PRKCG: variants seen among roughly 807,000 people sequenced by gnomAD.
PRKCG encodes the protein protein kinase C gamma.
A neutral mutation model predicts 82.0 loss-of-function variants in PRKCG; 28 were observed. The observed-to-expected ratio is 0.34, with a 90% CI of 0.25 to 0.47. PRKCG has a LOEUF of 0.47. Among genes scored for constraint, PRKCG ranks in the 20% least tolerant of loss-of-function variants. The pLI, the probability that PRKCG is intolerant of heterozygous loss-of-function variation, is 1.00. For synonymous variants in PRKCG, 383 were observed against 376.6 expected (o/e 1.02, Z -0.20); for missense variants, 640 against 952.7 (o/e 0.67, Z 4.32).
At chr19:53,881,171 A>G (rs917341799), upstream of PRKCG, among the ~76,000 whole-genome samples, 3 of 152,000 alleles carry the variant, frequency 2.0e-5, no homozygotes, top group African/African-American at 7.3e-5. Flanking sequence ...GAGAGGGACA[A>G]GTACAGAGAA....
At chr19:53,882,160 G>A, upstream of PRKCG, 1 of 355,354 alleles carries the variant, frequency 2.8e-6, no homozygotes, top group Non-Finnish European at 5.2e-6. The surrounding 1 kb of genome is among the most constrained non-coding windows in gnomAD (Gnocchi z 6.1). Context: ...CGCCCTCTCG[G>A]TCGTCCTGGC....
In PRKCG at chr19:53,904,618, C is replaced by A; in HGVS notation, c.1657-17C>A. The stretch of plus-strand genomic sequence containing the variant: ...GTTGGGCATGTCCCTGACTCTCTAT[C>A]CCCTCCACTTTGATAGCCTCCCTTC... On this transcript the variant is annotated splice_polypyrimidine_tract_variant and intron_variant, in intron 15 of 17. Coordinates refer to ENST00000263431, the MANE Select transcript of PRKCG (RefSeq NM_002739.5). The A allele has an allele frequency of 6.2e-7, 1 of 1,607,022 alleles. No individual in the cohort carries two copies. Among genetic ancestry groups the A allele is most frequent in the Non-Finnish European group, 8.5e-7 (1 of 1,176,002 alleles).
chr19:53,906,084 C>CTTCTTCTTCTTCTTCTTCTTCTTCTTCTT (rs1555808689), intron 16 of PRKCG, among the ~76,000 whole-genome samples: 2 of 27,988 alleles, frequency 7.1e-5, no homozygotes, highest in African/African-American at 7.3e-4. Context: ...TCCTCCTCCT[C>CTTCTTCTTCTTCTTCTTCTTCTTCTTCTT]CTTCTTCTTC....
Position 53,898,628 on chromosome 19 carries a change from G to A in PRKCG, c.1281G>A (p.Pro427=), listed in dbSNP as rs1324241723. The A allele has an allele frequency of 5.7e-6, 9 of 1,572,606 alleles. No individual in the cohort carries two copies. The highest frequency in any genetic ancestry group is 1.9e-5 in the Admixed American group (1 of 53,462). Residue 427 remains proline, a splice_region_variant and synonymous_variant, in exon 11 of 18, where the codon CCG becomes CCA. Transcript: ENST00000263431. ...LTQLHSTFQT[P]DRLYFVMEYV... is the part of the protein sequence containing the mutation. ...AGCTCCACTCCACCTTCCAGACCCC[G>A]GTAAGGATGGAGGGGGCGGAGGCTG...
chr19:53,901,234 G>C (rs942465245), intron 14 of PRKCG, among the ~76,000 whole-genome samples: 1 of 152,182 alleles, frequency 6.6e-6, no homozygotes, highest in African/African-American at 2.4e-5. Context: ...CTGGACTTCT[G>C]TGCTGCATTT....
Position 53,906,905 on chromosome 19 carries a change from C to T in PRKCG, c.*10C>T. ...TGTGCCCGTCATGTAATCTCACCCGCCGCCACTAGGTGTCCCCAACGTCCC... is the reference window on the plus strand; with the variant it reads ...TGTGCCCGTCATGTAATCTCACCCGTCGCCACTAGGTGTCCCCAACGTCCC... On this transcript the variant is annotated 3_prime_UTR_variant, in exon 18 of 18. Coordinates refer to ENST00000263431, the MANE Select transcript of PRKCG (RefSeq NM_002739.5). 2 of 1,613,422 alleles carry T rather than the reference C, an allele frequency of 1.2e-6. No individual in the cohort carries two copies. Among genetic ancestry groups the T allele is most frequent in the Non-Finnish European group, 1.7e-6 (2 of 1,179,888 alleles).
At chr19:53,887,934 T>C (rs2068643982) in intron 3 of PRKCG, among the ~76,000 whole-genome samples, 1 of 152,028 alleles carries the variant, frequency 6.6e-6, no homozygotes, top group Non-Finnish European at 1.5e-5. Flanking sequence ...GCGGTAAATC[T>C]GAGGCTTTGA....
chr19:53,883,126 C>A lies in PRKCG; in HGVS notation c.171-37C>A, dbSNP rs1481974952. On this transcript the variant is annotated intron_variant, in intron 1 of 17. Coordinates refer to ENST00000263431, the MANE Select transcript of PRKCG (RefSeq NM_002739.5). This position sits in a 1 kb window ranked among gnomAD's most constrained non-coding sequence, Gnocchi z 5.4. Reference sequence around the variant, plus strand: ...CGCAGAGGTTGGGGGTCCAGGTACCCCTTTCTGCACTGACCTAGGATCCCT... The same window carrying A: ...CGCAGAGGTTGGGGGTCCAGGTACCACTTTCTGCACTGACCTAGGATCCCT... The A allele has an allele frequency of 4.3e-6, 7 of 1,613,570 alleles. No individual in the cohort carries two copies. The highest frequency in any genetic ancestry group is 1.6e-4 in the Middle Eastern group (1 of 6,082).
intron 3 of PRKCG, among the ~76,000 whole-genome samples, chr19:53,885,571 A>G (rs2068625557): frequency 6.6e-6 from 1 of 152,174 alleles, no homozygotes; most frequent in African/African-American, 2.4e-5. Context: ...GTTAGTGGCC[A>G]CCAAATGGGA....
In PRKCG at chr19:53,891,786, G is replaced by A. The variant is rs77550964; in HGVS notation, c.642G>A (p.Thr214=). The stretch of plus-strand genomic sequence containing the variant: ...ACCTGACGAAACAGAAGACCCGAAC[G>A]GTGAAAGCCACGCTAAACCCTGTGT... ...PRNLTKQKTR[T]VKATLNPVWN... The change falls in exon 6 of 18, where the codon ACG becomes ACA. Residue 214 remains threonine (T), a synonymous_variant. Coordinates refer to ENST00000263431, the MANE Select transcript of PRKCG (RefSeq NM_002739.5). The A allele has an allele frequency of 6.4e-4, 1,026 of 1,614,086 alleles. 2 individuals carry two copies. The highest frequency in any genetic ancestry group is 3.3e-4 in the Non-Finnish European group (388 of 1,180,016).
chr19:53,899,591 CT>C (rs11456997), intron 11 of PRKCG, among the ~76,000 whole-genome samples: 2,244 of 145,018 alleles, frequency 0.015, 54 homozygotes, highest in African/African-American at 0.049. Context: ...ACTTTGATTC[CT>C]TTTTTTTTTT....
rs762399754 is a variant in PRKCG at position 53,891,758 on chromosome 19, G to A, written c.614G>A (p.Arg205Gln). Residue 205 changes from arginine to glutamine, a missense_variant, in exon 6 of 18, where the codon CGG (arginine) becomes CAG (glutamine). By Grantham distance (43) the Arg-to-Gln change is conservative. Coordinates refer to ENST00000263431, the MANE Select transcript of PRKCG (RefSeq NM_002739.5). ...YVKLKLIPDP[R>Q]NLTKQKTRTV... ...AAACTGAAGCTCATCCCAGACCCTCGGAACCTGACGAAACAGAAGACCCGA... is the reference window on the plus strand; with the variant it reads ...AAACTGAAGCTCATCCCAGACCCTCAGAACCTGACGAAACAGAAGACCCGA... 7 of 1,614,032 alleles carry A rather than the reference G, an allele frequency of 4.3e-6. No individual in the cohort carries two copies. The highest frequency in any genetic ancestry group is 2.2e-5 in the East Asian group (1 of 44,874).
In PRKCG at chr19:53,883,234, G is replaced by A; in HGVS notation, c.202+40G>A. 1 of 1,612,712 alleles carries A rather than the reference G, an allele frequency of 6.2e-7. No individual in the cohort carries two copies. The highest frequency in any genetic ancestry group is 8.5e-7 in the Non-Finnish European group (1 of 1,179,144). ...CCGGGGCTCCTGGGACCCTCAGGAG[G>A]GTGGAGGCTGGGGCCCCACAGCTGA... On this transcript the variant is annotated intron_variant, in intron 2 of 17. Coordinates refer to ENST00000263431, the MANE Select transcript of PRKCG (RefSeq NM_002739.5). This position sits in a 1 kb window ranked among gnomAD's most constrained non-coding sequence, Gnocchi z 5.4.
Position 53,906,413 on chromosome 19 carries a change from C to A in PRKCG, c.1861C>A (p.Arg621=). ...CTTTTTCCGCTGGATTGACTGGGAGCGGCTGGAACGATTGGAGATCCCGCC... is the reference window on the plus strand; with the variant it reads ...CTTTTTCCGCTGGATTGACTGGGAGAGGCTGGAACGATTGGAGATCCCGCC... The part of the protein sequence containing the change: ...HGFFRWIDWE[R]LERLEIPPPF... The change falls in exon 17 of 18, where the codon CGG becomes AGG. Residue 621 remains arginine, a synonymous_variant. Transcript: ENST00000263431. 1 of 1,572,064 alleles carries A rather than the reference C, an allele frequency of 6.4e-7. No individual in the cohort carries two copies. Among genetic ancestry groups the A allele is most frequent in the Non-Finnish European group, 8.6e-7 (1 of 1,157,902 alleles).
Position 53,883,062 on chromosome 19 carries a change from T to C in PRKCG, c.171-101T>C. The stretch of plus-strand genomic sequence containing the variant: ...GGCCGGGGCTTGGACACCTGGGCCC[T>C]GCGGGAGGAGGGTCAGAGAGCGCAG... On this transcript the variant is annotated intron_variant, in intron 1 of 17. Coordinates refer to ENST00000263431, the MANE Select transcript of PRKCG (RefSeq NM_002739.5). The surrounding 1 kb of genome is among the most constrained non-coding windows in gnomAD (Gnocchi z 5.4). 1 of 1,490,562 alleles carries C rather than the reference T, an allele frequency of 6.7e-7. No individual in the cohort carries two copies. The highest frequency in any genetic ancestry group is 1.7e-5 in the Admixed American group (1 of 59,744). 92.3% of individuals were successfully genotyped at this position (1,490,562 alleles called of 1,614,324 possible). A position where few individuals can be genotyped will look rare whatever the true frequency, so the allele number is the denominator to read the frequency against.
At chr19:53,891,227 G>T (rs139048433) in intron 5 of PRKCG, among the ~76,000 whole-genome samples, 1 of 152,106 alleles carries the variant, frequency 6.6e-6, no homozygotes, top group East Asian at 1.9e-4. Flanking sequence ...CTGTCTTCTG[G>T]GTTCTGGAGA....
In PRKCG at chr19:53,898,864, A is replaced by T. The variant is rs138333295; in HGVS notation, c.1281+236A>T. On this transcript the variant is annotated intron_variant, in intron 11 of 17. Transcript: ENST00000263431. ...CAGGCGGAGGGGCTCAACGGAGGCG[A>T]GGCCGGGTGGAGGGGCTCCTCGGGG... 0.097 allele frequency among the ~76,000 whole-genome samples: 2,205 copies of T among 22,766 alleles called. 130 individuals are homozygous for T. The highest frequency in any genetic ancestry group is 0.23 in the African/African-American group (1,586 of 6,776). The allele number at this position is 22,766 out of a possible 152,430, so 14.9% of individuals were successfully genotyped here.
intron 16 of PRKCG, among the ~76,000 whole-genome samples, chr19:53,904,963 C>G (rs556987886): frequency 6.6e-6 from 1 of 152,336 alleles, no homozygotes; most frequent in East Asian, 1.9e-4. Context: ...GTGACTCCCA[C>G]TCCCCAGCTC....
chr19:53,884,144 A>T lies in PRKCG; in HGVS notation c.203-17A>T. ...AATCCATGCCTCCGTCTGTGTCTCT[A>T]TGATTTTCATCTATAGTCTGCAGCT... On this transcript the variant is annotated splice_polypyrimidine_tract_variant and intron_variant, in intron 2 of 17. Transcript: ENST00000263431. This position sits in a 1 kb window ranked among gnomAD's most constrained non-coding sequence, Gnocchi z 4.6. 1 of 1,613,572 alleles carries T rather than the reference A, an allele frequency of 6.2e-7. No individual in the cohort carries two copies. The highest frequency in any genetic ancestry group is 2.2e-5 in the East Asian group (1 of 44,854).
Sources: allele counts gnomAD v4.1 joint callset (sites outside exome capture counted in the v4.1 genomes callset), GRCh38; gene constraint gnomAD v4.1.1; non-coding constraint Gnocchi (gnomAD v3.1); transcripts MANE v1.5; gene names NCBI Gene and HGNC (gene_info 2026-07-23, HGNC 2026-07-21).